UGT2A1: variants seen among roughly 807,000 people sequenced by gnomAD.
UGT2A1 encodes UDP glucuronosyltransferase family 2 member A1 complex locus.
UGT2A1 carries 61 observed loss-of-function variants against 45.4 expected under a neutral mutation model. The observed-to-expected ratio is 1.34, with a 90% CI of 1.09 to 1.66. The LOEUF (loss-of-function observed/expected upper bound fraction) is 1.66. Among genes scored for constraint, UGT2A1 ranks in the 40% most tolerant of loss-of-function variants. The pLI is 0.00. For missense variants in UGT2A1, 649 were observed against 574.3 expected (o/e 1.13, Z -1.33); for synonymous variants, 229 against 196.2 (o/e 1.17, Z -1.40).
At chr4:69,592,170 G>A (rs567502546) in intron 6 of UGT2A1, among the ~76,000 whole-genome samples, 1 of 152,168 alleles carries the variant, frequency 6.6e-6, no homozygotes, top group African/African-American at 2.4e-5. Flanking sequence ...TTAAGAAAAA[G>A]CACTAAATTC....
At chr4:69,607,572 A>G (rs1431986609) in intron 3 of UGT2A1, among the ~76,000 whole-genome samples, 3 of 152,088 alleles carry the variant, frequency 2.0e-5, no homozygotes, top group African/African-American at 7.2e-5. Context: ...GACAAATGGG[A>G]TCTAATTAAA....
chr4:69,605,526 G>T lies in UGT2A1; in HGVS notation c.848-6132C>A, dbSNP rs1395168429. ...AATTGAAAGAACTAGAGAAGCAAGA[G>T]CATAACACATTCAAGACCTAGCAGA... is the stretch of plus-strand genomic sequence containing the variant. On this transcript the variant is annotated intron_variant, in intron 3 of 6. Transcript: ENST00000286604. Among the ~76,000 whole-genome samples the T allele has an allele frequency of 2.2e-5, 3 of 135,942 alleles. 1 individual carries two copies. Among genetic ancestry groups the T allele is most frequent in the Admixed American group, 2.2e-4 (3 of 13,760 alleles). The allele number at this position is 135,942 out of a possible 152,430, so 89.2% of individuals were successfully genotyped here.
intron 6 of UGT2A1, 71 bp downstream of exon 6, chr4:69,594,406 A>G (rs1185942728): frequency 6.4e-7 from 1 of 1,552,246 alleles, no homozygotes; most frequent in African/African-American, 1.4e-5. Context: ...AGTATAAAAG[A>G]ATGTACATTT....
intron 2 of UGT2A1, among the ~76,000 whole-genome samples, chr4:69,636,281 A>G (rs962522489): frequency 6.6e-6 from 1 of 152,192 alleles, no homozygotes; most frequent in African/African-American, 2.4e-5. Context: ...ATAATTACGT[A>G]AAATTGTGTA....
Position 69,589,166 on chromosome 4 carries a change from T to G in UGT2A1, c.*206A>C. 2 of 565,990 alleles carry G rather than the reference T, an allele frequency of 3.5e-6. No homozygotes were observed. The highest frequency in any genetic ancestry group is 2.7e-6 in the Non-Finnish European group (1 of 374,040). 35.1% of individuals were successfully genotyped at this position (565,990 alleles called of 1,614,324 possible). A position where few individuals can be genotyped will look rare whatever the true frequency, so the allele number is the denominator to read the frequency against. On this transcript the variant is annotated 3_prime_UTR_variant, in exon 7 of 7. Coordinates refer to ENST00000286604, the MANE Select transcript of UGT2A1 (RefSeq NM_001252275.3). Reference sequence around the variant, plus strand: ...TCAGCAGGGAGAGACAAAGGAAAAATAGAAGACTATAACTCACAAGTTAAT... The same window carrying G: ...TCAGCAGGGAGAGACAAAGGAAAAAGAGAAGACTATAACTCACAAGTTAAT...
chr4:69,625,794 A>G (rs1394197422), intron 3 of UGT2A1, among the ~76,000 whole-genome samples: 1 of 151,654 alleles, frequency 6.6e-6, no homozygotes, highest in South Asian at 2.1e-4. Context: ...GGAAGACTTA[A>G]AAAATCAATA....
intron 4 of UGT2A1, 69 bp downstream of exon 4, chr4:69,599,177 A>G (rs1719107438): frequency 6.7e-7 from 1 of 1,502,370 alleles, no homozygotes; most frequent in Non-Finnish European, 8.9e-7. Context: ...TATTGAGGCT[A>G]TAAACTTTAA....
intron 3 of UGT2A1, among the ~76,000 whole-genome samples, chr4:69,634,826 A>T (rs1439747822): frequency 6.6e-6 from 1 of 152,188 alleles, no homozygotes; most frequent in African/African-American, 2.4e-5. Context: ...ATGGTAAACA[A>T]TGCATGATTT....
intron 1 of UGT2A1, among the ~76,000 whole-genome samples, chr4:69,651,310 C>A (rs1433364193): frequency 6.6e-6 from 1 of 151,866 alleles, no homozygotes; most frequent in Non-Finnish European, 1.5e-5. Context: ...TCTGCCCTTG[C>A]CAGAAAAATT....
Position 69,589,306 on chromosome 4 carries a change from A to G in UGT2A1, c.*66T>C. 6.9e-7 allele frequency: 1 copy of G among 1,445,546 alleles called. No individual in the cohort carries two copies. The allele number at this position is 1,445,546 out of a possible 1,614,324, so 89.5% of individuals were successfully genotyped here. A position where few individuals can be genotyped will look rare whatever the true frequency, so the allele number is the denominator to read the frequency against. ...TGTTAAACTCCTTTTGTCTGGAATTAATAGGACTACACTACTCAGGATTTT... is the reference window on the plus strand; with the variant it reads ...TGTTAAACTCCTTTTGTCTGGAATTGATAGGACTACACTACTCAGGATTTT... On this transcript the variant is annotated 3_prime_UTR_variant, in exon 7 of 7. Coordinates refer to ENST00000286604, the MANE Select transcript of UGT2A1 (RefSeq NM_001252275.3).
At chr4:69,596,412 G>A (rs1467387683) in intron 4 of UGT2A1, 3 of 1,471,630 alleles carry the variant, frequency 2.0e-6, no homozygotes, top group South Asian at 1.5e-5. Context: ...CTATTACAAA[G>A]GTGTAGCATC....
intron 1 of UGT2A1, among the ~76,000 whole-genome samples, chr4:69,650,239 T>A (rs1007251516): frequency 6.6e-5 from 10 of 152,148 alleles, no homozygotes; most frequent in Non-Finnish European, 1.0e-4. Context: ...TGCTTCACTA[T>A]GTGTTTATTG....
rs976003338 is a variant in UGT2A1, at chr4:69,589,131, G to T, written c.*241C>A. On this transcript the variant is annotated 3_prime_UTR_variant, in exon 7 of 7. Coordinates refer to ENST00000286604, the MANE Select transcript of UGT2A1 (RefSeq NM_001252275.3). ...CCTTGTGTCAGAAAAGTGACAGGAA[G>T]AGGGTATAGTCAGCAGGGAGAGACA... 1 of 354,064 alleles carries T rather than the reference G, an allele frequency of 2.8e-6. No individual in the cohort carries two copies. The highest frequency in any genetic ancestry group is 4.9e-6 in the Non-Finnish European group (1 of 204,198). 21.9% of individuals were successfully genotyped at this position (354,064 alleles called of 1,614,324 possible).
chr4:69,619,262 G>A (rs377396796), intron 3 of UGT2A1, among the ~76,000 whole-genome samples: 4 of 151,688 alleles, frequency 2.6e-5, no homozygotes, highest in South Asian at 2.1e-4. Context: ...TTAGCCAAGT[G>A]TGGTGGTGCA....
At chr4:69,622,738 T>C (rs527858968) in intron 3 of UGT2A1, among the ~76,000 whole-genome samples, 2 of 151,906 alleles carry the variant, frequency 1.3e-5, no homozygotes, top group Non-Finnish European at 2.9e-5. Context: ...GCTGCTATTG[T>C]CTAGCAAAGA....
chr4:69,610,091 T>C (rs1463770638), intron 3 of UGT2A1, among the ~76,000 whole-genome samples: 1 of 152,162 alleles, frequency 6.6e-6, no homozygotes, highest in African/African-American at 2.4e-5. Flanking sequence ...TTTCTAATAC[T>C]GGCAGCAAAA....
intron 6 of UGT2A1, among the ~76,000 whole-genome samples, chr4:69,593,917 A>G (rs1560466018): frequency 6.6e-6 from 1 of 151,442 alleles, no homozygotes; most frequent in Non-Finnish European, 1.5e-5. Flanking sequence ...GAGAATTTAT[A>G]TAATCATAGC....
In UGT2A1 at chr4:69,588,806, A is replaced by G. The variant is rs1276443552; in HGVS notation, c.*566T>C. 2 of 152,144 alleles carry G rather than the reference A, an allele frequency of 1.3e-5. No individual in the cohort carries two copies. The highest frequency in any genetic ancestry group is 4.8e-5 in the African/African-American group (2 of 41,444). The allele number at this position is 152,144 out of a possible 1,614,324, so 9.4% of individuals were successfully genotyped here. A position where few individuals can be genotyped will look rare whatever the true frequency, so the allele number is the denominator to read the frequency against. ...AATGAAAATTTTGTAGACATTTAAT[A>G]GGGACGCACGTCACACTTAAAATTC... On this transcript the variant is annotated 3_prime_UTR_variant, in exon 7 of 7. Coordinates refer to ENST00000286604, the MANE Select transcript of UGT2A1 (RefSeq NM_001252275.3).
In UGT2A1 at chr4:69,596,485, A is replaced by G. The variant is rs540325753; in HGVS notation, c.997-1236T>C. 9 of 1,324,904 alleles carry G rather than the reference A, an allele frequency of 6.8e-6. 1 individual carries two copies. In the East Asian group the frequency reaches 2.5e-4, roughly 37 times the overall value. The allele number at this position is 1,324,904 out of a possible 1,614,324, so 82.1% of individuals were successfully genotyped here. A position where few individuals can be genotyped will look rare whatever the true frequency, so the allele number is the denominator to read the frequency against. The stretch of plus-strand genomic sequence containing the variant: ...TAAAATTAAGATATATGTCAGAGAA[A>G]CTGTTGAACTGTCTGTCTTCTGACA... On this transcript the variant is annotated intron_variant, in intron 4 of 6. Coordinates refer to ENST00000286604, the MANE Select transcript of UGT2A1 (RefSeq NM_001252275.3).
Sources: allele counts gnomAD v4.1 joint callset (sites outside exome capture counted in the v4.1 genomes callset), GRCh38; gene constraint gnomAD v4.1.1; transcripts MANE v1.5; gene names NCBI Gene and HGNC (gene_info 2026-07-23, HGNC 2026-07-21).